IGSF10: variants seen among roughly 807,000 people sequenced by gnomAD.
IGSF10 encodes the protein calvaria mechanical force protein 608.
IGSF10 carries 126 observed loss-of-function variants against 128.2 expected under a neutral mutation model. The ratio of observed to expected loss-of-function variants is 0.98; its 90% CI spans 0.85 to 1.14. The LOEUF (loss-of-function observed/expected upper bound fraction) is 1.14. Ranked by LOEUF, IGSF10 falls within the 50% of genes most tolerant of loss-of-function variation. The probability of loss-of-function intolerance (pLI) is 0.00; values close to 1 mark genes in which losing one functional copy is unlikely to be tolerated. For synonymous variants in IGSF10, 1,185 were observed against 1,146.2 expected, an observed-to-expected ratio of 1.03 and a Z score of -0.68; for missense variants, 3,295 against 3,149.8, an observed-to-expected ratio of 1.05 and a Z score of -1.10.
At position 151,442,979 on chromosome 3, in the gene IGSF10, C is replaced by T; in HGVS notation, c.5963+5G>A. 6.2e-7 allele frequency: 1 copy of T among 1,611,164 alleles called. No individual in the cohort carries two copies. The highest frequency in any genetic ancestry group is 1.1e-5 in the South Asian group (1 of 90,492). On this transcript the variant is annotated splice_donor_5th_base_variant and intron_variant, in intron 7 of 7. Coordinates refer to ENST00000282466, the MANE Select transcript of IGSF10 (RefSeq NM_178822.5). ...GATAATTCCAACCCAAAGGTATAGA[C>T]TTACCTATGCTGCTGGTCGACCACA...
the IGSF10 span, among the ~76,000 whole-genome samples, chr3:151,523,407 A>G: frequency 6.6e-6 from 1 of 152,224 alleles, no homozygotes; most frequent in Admixed American, 6.5e-5. Context: ...ACGTTACTTG[A>G]CTTCAAACTG....
At chr3:151,613,305 C>A in the IGSF10 span, among the ~76,000 whole-genome samples, 6 of 152,098 alleles carry the variant, frequency 3.9e-5, no homozygotes, top group Non-Finnish European at 7.4e-5. Flanking sequence ...ACTTTCTTCA[C>A]AGAATTGGAA....
chr3:151,611,307 T>C, the IGSF10 span, among the ~76,000 whole-genome samples: 2 of 152,228 alleles, frequency 1.3e-5, no homozygotes, highest in Non-Finnish European at 2.9e-5. Flanking sequence ...CAAATGTTTA[T>C]TTTCAGTTTC....
the IGSF10 span, among the ~76,000 whole-genome samples, chr3:151,544,207 C>A: frequency 6.6e-6 from 1 of 152,242 alleles, no homozygotes; most frequent in Non-Finnish European, 1.5e-5. Context: ...CCACACCTGG[C>A]CTGTCAAATG....
the IGSF10 span, among the ~76,000 whole-genome samples, chr3:151,525,104 T>C: frequency 7.0e-6 from 1 of 141,986 alleles, no homozygotes; most frequent in Non-Finnish European, 1.5e-5. Flanking sequence ...TAGCTCTCTG[T>C]AGCCTTGAGC....
the IGSF10 span, among the ~76,000 whole-genome samples, chr3:151,615,559 G>T: frequency 6.6e-6 from 1 of 152,088 alleles, no homozygotes; most frequent in Non-Finnish European, 1.5e-5. Flanking sequence ...AAATTATGCT[G>T]GGCATATGAA....
chr3:151,503,491 A>G, the IGSF10 span, among the ~76,000 whole-genome samples: 138 of 152,328 alleles, frequency 9.1e-4, no homozygotes, highest in African/African-American at 3.2e-3. Flanking sequence ...GAAGATCAAT[A>G]GATAGCCTTA....
the IGSF10 span, among the ~76,000 whole-genome samples, chr3:151,568,488 G>C: frequency 6.6e-6 from 1 of 152,156 alleles, no homozygotes; most frequent in Non-Finnish European, 1.5e-5. Flanking sequence ...AGAAATGCCT[G>C]AATCACGATT....
the IGSF10 span, among the ~76,000 whole-genome samples, chr3:151,555,483 G>A: frequency 1.9e-4 from 29 of 152,162 alleles, 1 homozygote; most frequent in East Asian, 1.9e-3. Context: ...CAAATCAAGC[G>A]TGTGGATGAA....
chr3:151,613,085 T>C, the IGSF10 span, among the ~76,000 whole-genome samples: 1 of 152,294 alleles, frequency 6.6e-6, no homozygotes, highest in Non-Finnish European at 1.5e-5. Context: ...GAACTCCCAT[T>C]CATAATTGCT....
chr3:151,493,141 T>C, the IGSF10 span, among the ~76,000 whole-genome samples: 1 of 152,018 alleles, frequency 6.6e-6, no homozygotes, highest in Non-Finnish European at 1.5e-5. Flanking sequence ...TAGAATGAAA[T>C]AGCAGTTACT....
chr3:151,589,003 G>C, the IGSF10 span, among the ~76,000 whole-genome samples: 1 of 151,982 alleles, frequency 6.6e-6, no homozygotes, highest in African/African-American at 2.4e-5. Flanking sequence ...ATAATCTTAG[G>C]AAGATATAAT....
downstream of IGSF10, chr3:151,432,953 A>G (rs1719700995): frequency 1.8e-6 from 1 of 568,156 alleles, no homozygotes; most frequent in Non-Finnish European, 3.0e-6. Flanking sequence ...AAAAAAAAAA[A>G]AGGTGTTTAA....
At chr3:151,468,312 A>G in the IGSF10 span, among the ~76,000 whole-genome samples, 2 of 152,214 alleles carry the variant, frequency 1.3e-5, no homozygotes, top group African/African-American at 4.8e-5. Flanking sequence ...AGGGGCTGCG[A>G]CCAAAGGGAC....
rs1720961386 is a variant in IGSF10, at chr3:151,443,194, A to G, written c.5753T>C (p.Ile1918Thr). 4 of 1,614,254 alleles carry G rather than the reference A, an allele frequency of 2.5e-6. No homozygotes were observed. The highest frequency in any genetic ancestry group is 3.4e-6 in the Non-Finnish European group (4 of 1,180,034). Residue 1918 changes from isoleucine (I) to threonine (T), a missense_variant, in exon 7 of 8, where the codon ATT (isoleucine) becomes ACT (threonine). By Grantham distance (89) the Ile-to-Thr change is moderately conservative. Coordinates refer to ENST00000282466, the MANE Select transcript of IGSF10 (RefSeq NM_178822.5). The part of the protein sequence containing the change: ...ASSDRGTYEC[I>T]ATSSTGSERR... ...CTCCGAACCAGTGGAACTGGTAGCA[A>G]TGCATTCATAAGTGCCCCTGTCTGA...
At chr3:151,539,356 C>G in the IGSF10 span, among the ~76,000 whole-genome samples, 3 of 152,170 alleles carry the variant, frequency 2.0e-5, no homozygotes, top group Non-Finnish European at 4.4e-5. Flanking sequence ...TGACTGCCCT[C>G]TTCCTTCTTT....
chr3:151,447,228 CT>C lies in IGSF10; in HGVS notation c.2752del (p.Ser918ValfsTer5), dbSNP rs1480925555. On this transcript the variant is annotated frameshift_variant, in exon 6 of 8. Coordinates refer to ENST00000282466, the MANE Select transcript of IGSF10 (RefSeq NM_178822.5). LOFTEE classifies it high-confidence loss of function. Reference sequence around the variant, plus strand: ...AGTCCTTACTGTTATTGGGGGTCTACTTTGGAAATGCTCTCTTCCTCTTCCC... The same window carrying C: ...AGTCCTTACTGTTATTGGGGGTCTACTTGGAAATGCTCTCTTCCTCTTCCC... ...QMGRGREHFQ[S>X]RPPITVRTMI... 2 of 1,614,090 alleles carry C rather than the reference CT, an allele frequency of 1.2e-6. No individual in the cohort carries two copies. Among genetic ancestry groups the C allele is most frequent in the Non-Finnish European group, 1.7e-6 (2 of 1,180,046 alleles).
At chr3:151,605,889 C>A in the IGSF10 span, among the ~76,000 whole-genome samples, 1 of 152,202 alleles carries the variant, frequency 6.6e-6, no homozygotes, top group Non-Finnish European at 1.5e-5. Flanking sequence ...AACTGGAGGG[C>A]TGTTTAAAAT....
upstream of IGSF10, among the ~76,000 whole-genome samples, chr3:151,464,416 A>G (rs1560185902): frequency 6.6e-6 from 1 of 152,018 alleles, no homozygotes; most frequent in Non-Finnish European, 1.5e-5. Flanking sequence ...CTTTGACATT[A>G]TTTGCTGTCT....
Sources: allele counts gnomAD v4.1 joint callset (sites outside exome capture counted in the v4.1 genomes callset), GRCh38; gene constraint gnomAD v4.1.1; transcripts MANE v1.5; gene names NCBI Gene and HGNC (gene_info 2026-07-23, HGNC 2026-07-21).